The following CEP15 variants were observed in gnomAD, a reference collection of about 807,000 sequenced individuals.
CEP15 encodes centrosomal protein 15 kDa.
chr3:62,319,134 T>C, the CEP15 span: 1 of 152,310 alleles, frequency 6.6e-6, no homozygotes, highest in Non-Finnish European at 1.5e-5. Context: ...CTGGGGAGGA[T>C]GTTGTTAACG....
chr3:62,330,025 G>A, the CEP15 span, among the ~76,000 whole-genome samples: 48 of 152,230 alleles, frequency 3.2e-4, no homozygotes, highest in African/African-American at 1.2e-3. Context: ...GGATAGACAT[G>A]CTAAAAATCA....
chr3:62,334,380 A>G, the CEP15 span: 2 of 152,288 alleles, frequency 1.3e-5, no homozygotes, highest in Non-Finnish European at 2.9e-5. This position sits in a 1 kb window ranked among gnomAD's most constrained non-coding sequence, Gnocchi z 4.9. Context: ...AGACAATAGG[A>G]AAAGCTAAAT....
chr3:62,322,659 A>G, the CEP15 span: 1 of 152,266 alleles, frequency 6.6e-6, no homozygotes, highest in Admixed American at 6.5e-5. This position sits in a 1 kb window ranked among gnomAD's most constrained non-coding sequence, Gnocchi z 5.5. Context: ...CTTTGCTTCC[A>G]GAATTGTATG....
the CEP15 span, chr3:62,320,597 G>A: frequency 5.2e-6 from 6 of 1,157,360 alleles, no homozygotes; most frequent in Non-Finnish European, 7.5e-6. Context: ...TGTATACACA[G>A]GATGACTTAA....
At chr3:62,334,814 A>G in the CEP15 span, 1 of 152,180 alleles carries the variant, frequency 6.6e-6, no homozygotes, top group Non-Finnish European at 1.5e-5. This position sits in a 1 kb window ranked among gnomAD's most constrained non-coding sequence, Gnocchi z 4.9. Context: ...CTGTTACATT[A>G]CAGTTTGGTT....
chr3:62,334,792 G>T, the CEP15 span: 1 of 152,082 alleles, frequency 6.6e-6, no homozygotes, highest in African/African-American at 2.4e-5. The surrounding 1 kb of genome is among the most constrained non-coding windows in gnomAD (Gnocchi z 4.9). Context: ...AAAATAAATT[G>T]ATAATTTTTT....
the CEP15 span, chr3:62,334,995 T>TA: frequency 6.6e-6 from 1 of 152,060 alleles, no homozygotes; most frequent in African/African-American, 2.4e-5. The surrounding 1 kb of genome is among the most constrained non-coding windows in gnomAD (Gnocchi z 4.9). Context: ...ATGTGAAACT[T>TA]ACTTCTCTTT....
the CEP15 span, among the ~76,000 whole-genome samples, chr3:62,325,772 G>C: frequency 6.6e-6 from 1 of 152,118 alleles, no homozygotes; most frequent in South Asian, 2.1e-4. Context: ...GGTGGCTCAC[G>C]CCTGTAATCC....
the CEP15 span, chr3:62,333,297 G>C: frequency 6.2e-7 from 1 of 1,611,398 alleles, no homozygotes; most frequent in Non-Finnish European, 8.5e-7. This position sits in a 1 kb window ranked among gnomAD's most constrained non-coding sequence, Gnocchi z 4.0. Flanking sequence ...TCCCAAATGG[G>C]AACAGTTTCT....
At chr3:62,325,882 G>A in the CEP15 span, among the ~76,000 whole-genome samples, 1 of 152,038 alleles carries the variant, frequency 6.6e-6, no homozygotes, top group African/African-American at 2.4e-5. Context: ...AAATTAGCAG[G>A]GTGTGGTGGT....
At chr3:62,331,435 C>T in the CEP15 span, 1 of 1,524,122 alleles carries the variant, frequency 6.6e-7, no homozygotes, top group Non-Finnish European at 9.1e-7. Context: ...AAAAGAGAGA[C>T]CCTATCTATC....
the CEP15 span, chr3:62,335,394 C>T: frequency 6.6e-6 from 1 of 151,608 alleles, no homozygotes; most frequent in Non-Finnish European, 1.5e-5. Flanking sequence ...TTCCTGGCCC[C>T]TGCAGAGCTC....
chr3:62,321,182 G>A, the CEP15 span, among the ~76,000 whole-genome samples: 3 of 152,112 alleles, frequency 2.0e-5, no homozygotes, highest in African/African-American at 7.2e-5. The surrounding 1 kb of genome is among the most constrained non-coding windows in gnomAD (Gnocchi z 4.1). Flanking sequence ...GTATACCAAC[G>A]TATGTATCTT....
At chr3:62,328,604 CAAGT>C in the CEP15 span, among the ~76,000 whole-genome samples, 1 of 152,184 alleles carries the variant, frequency 6.6e-6, no homozygotes, top group Non-Finnish European at 1.5e-5. Context: ...AAAGTATAGT[CAAGT>C]AAGCATTGCC....
At chr3:62,333,598 T>C in the CEP15 span, 3 of 432,484 alleles carry the variant, frequency 6.9e-6, no homozygotes, top group African/African-American at 4.1e-5. The surrounding 1 kb of genome is among the most constrained non-coding windows in gnomAD (Gnocchi z 4.0). Flanking sequence ...ACCAAACCCA[T>C]AGATGTGTTA....
chr3:62,326,860 T>C, the CEP15 span, among the ~76,000 whole-genome samples: 1 of 152,234 alleles, frequency 6.6e-6, no homozygotes, highest in African/African-American at 2.4e-5. Context: ...ATTTTTTCTG[T>C]GTATATCACT....
At chr3:62,325,773 C>A in the CEP15 span, among the ~76,000 whole-genome samples, 1 of 152,174 alleles carries the variant, frequency 6.6e-6, no homozygotes, top group Non-Finnish European at 1.5e-5. Context: ...GTGGCTCACG[C>A]CTGTAATCCC....
At chr3:62,321,980 A>T in the CEP15 span, 2 of 1,609,054 alleles carry the variant, frequency 1.2e-6, no homozygotes, top group Non-Finnish European at 1.7e-6. This position sits in a 1 kb window ranked among gnomAD's most constrained non-coding sequence, Gnocchi z 4.1. Context: ...AAATTGGGTG[A>T]TCAACACACA....
At chr3:62,324,430 T>C in the CEP15 span, among the ~76,000 whole-genome samples, 2 of 152,234 alleles carry the variant, frequency 1.3e-5, no homozygotes, top group East Asian at 1.9e-4. Context: ...TAAGACTTGA[T>C]TGCAGAATTT....
Sources: gnomAD v4.1 joint callset for allele counts (sites outside exome capture counted in the v4.1 genomes callset) on GRCh38, gnomAD v4.1.1 for gene constraint, Gnocchi (gnomAD v3.1) non-coding constraint, MANE v1.5 for transcripts, NCBI Gene and HGNC (gene_info 2026-07-23, HGNC 2026-07-21) for gene names.